The following SURF6 variants were observed in gnomAD, a reference collection of about 807,000 sequenced individuals.
The protein encoded by SURF6 is surfeit locus protein 6.
A neutral mutation model predicts 37.5 loss-of-function variants in SURF6; 28 were observed. The ratio of observed to expected loss-of-function variants is 0.75; its 90% CI spans 0.55 to 1.02. The LOEUF (loss-of-function observed/expected upper bound fraction) is 1.02, where lower values mean the gene tolerates loss of function less well. Among genes scored for constraint, SURF6 ranks in the 50% least tolerant of loss-of-function variants. The probability of loss-of-function intolerance (pLI) is 0.00; values close to 1 mark genes in which losing one functional copy is unlikely to be tolerated. For missense variants in SURF6, 560 were observed against 490.5 expected (o/e 1.14, Z -1.34); for synonymous variants, 248 against 210.9 (o/e 1.18, Z -1.52).
Position 133,331,514 on chromosome 9 carries a change from CACAGGCAGTGGGGA to C in SURF6, c.*341_*354del, listed in dbSNP as rs2129910442. On this transcript the variant is annotated 3_prime_UTR_variant, in exon 5 of 5. Coordinates refer to ENST00000372022, the MANE Select transcript of SURF6 (RefSeq NM_006753.6). ...TCTTCTGTCCCGTGGCTCCTGCGAA[CACAGGCAGTGGGGA>C]ACAGGCAGTGACTGCCCACCCCCAC... 2.4e-5 allele frequency: 6 copies of C among 252,882 alleles called. No individual in the cohort carries two copies. The highest frequency in any genetic ancestry group is 1.6e-4 in the Admixed American group (3 of 18,260). The allele number at this position is 252,882 out of a possible 1,614,324, so 15.7% of individuals were successfully genotyped here.
intron 2 of SURF6, among the ~76,000 whole-genome samples, chr9:133,334,162 A>G (rs1835815592): frequency 6.6e-6 from 1 of 152,134 alleles, no homozygotes; most frequent in African/African-American, 2.4e-5. Context: ...GTCCTCAGAG[A>G]GACACAGCCT....
Position 133,331,814 on chromosome 9 carries a change from G to A in SURF6, c.*55C>T, listed in dbSNP as rs1426800887. The stretch of plus-strand genomic sequence containing the variant: ...GGACAGAGCCAGCGTCAAGGACTCA[G>A]AGGGTGTCCTGGAGTCTCCTAGGAC... On this transcript the variant is annotated 3_prime_UTR_variant, in exon 5 of 5. Transcript: ENST00000372022. The A allele has an allele frequency of 1.3e-6, 2 of 1,483,718 alleles. No homozygotes were observed. Among genetic ancestry groups the A allele is most frequent in the Non-Finnish European group, 1.8e-6 (2 of 1,127,236 alleles). The allele number at this position is 1,483,718 out of a possible 1,614,324, so 91.9% of individuals were successfully genotyped here.
In SURF6 at chr9:133,334,496, GC is replaced by G. The variant is rs1329501289; in HGVS notation, c.199del (p.Ala67ProfsTer132). The G allele has an allele frequency of 1.2e-6, 2 of 1,613,982 alleles. No individual in the cohort carries two copies. Among genetic ancestry groups the G allele is most frequent in the African/African-American group, 2.7e-5 (2 of 74,928 alleles). On this transcript the variant is annotated frameshift_variant, in exon 2 of 5. Transcript: ENST00000372022. LOFTEE classifies it high-confidence loss of function. ...KREEKAAEHK[A>X]KSLGEKSPAA... ...TGGAGATTTCTCCCCCAAGGACTTGGCCTTGTGCTCAGCAGCCTTCTCTTCT... is the reference window on the plus strand; with the variant it reads ...TGGAGATTTCTCCCCCAAGGACTTGGCTTGTGCTCAGCAGCCTTCTCTTCT...
At chr9:133,333,083 T>A (rs2129922395) in intron 3 of SURF6, 4 of 396,120 alleles carry the variant, frequency 1.0e-5, no homozygotes, top group Non-Finnish European at 1.4e-5. Context: ...GAACTTGGAG[T>A]TGGCGTCTGA....
Position 133,332,567 on chromosome 9 carries a change from GGCGGCTCCC to G in SURF6, c.578_586del (p.Arg193_Pro195del), listed in dbSNP as rs2129919254. 4 of 1,609,068 alleles carry G rather than the reference GGCGGCTCCC, an allele frequency of 2.5e-6. No individual in the cohort carries two copies. Among genetic ancestry groups the G allele is most frequent in the Middle Eastern group, 1.7e-4 (1 of 6,060 alleles). On this transcript the variant is annotated inframe_deletion, in exon 4 of 5. Transcript: ENST00000372022. ...GCTCACCTTATTGAAGATCAGCCCG[GGCGGCTCCC>G]GCGGCTCCGTGCAGGCCCCCTCTGG...
chr9:133,333,166 C>A (rs2129922761), intron 3 of SURF6, among the ~76,000 whole-genome samples: 3 of 152,122 alleles, frequency 2.0e-5, no homozygotes, highest in Non-Finnish European at 4.4e-5. Flanking sequence ...CCTTTCCCAT[C>A]CCCGGGCCAA....
rs2129927155 is a variant in SURF6, at chr9:133,334,419, C to A, written c.277G>T (p.Ala93Ser). The change falls in exon 2 of 5, where the codon GCT becomes TCT. Residue 93 changes from alanine to serine, a missense_variant. By Grantham distance (99) the Ala-to-Ser change is moderately conservative. Coordinates refer to ENST00000372022, the MANE Select transcript of SURF6 (RefSeq NM_006753.6). ...PEAAKEEAAW[A>S]SSSAGNPADG... ...GCAGGGTTCCCTGCTGAGCTGGAAG[C>A]CCAAGCTGCTTCCTCTTTGGCTGCC... 1.5e-5 allele frequency: 25 copies of A among 1,613,622 alleles called. 1 individual carries two copies. In the South Asian group the frequency reaches 2.6e-4, roughly 17 times the overall value.
At position 133,330,166 on chromosome 9, in the gene SURF6, A is replaced by C. The variant is rs1835689034; in HGVS notation, c.*1703T>G. 3 of 152,128 alleles carry C rather than the reference A, an allele frequency of 2.0e-5. No individual in the cohort carries two copies. In the South Asian group the frequency reaches 6.2e-4, roughly 31 times the overall value. The allele number at this position is 152,128 out of a possible 1,614,324, so 9.4% of individuals were successfully genotyped here. A position where few individuals can be genotyped will look rare whatever the true frequency, so the allele number is the denominator to read the frequency against. On this transcript the variant is annotated 3_prime_UTR_variant, in exon 5 of 5. Transcript: ENST00000372022. ...TACAGCGTATGTGTGTATAAATGGC[A>C]CTATTTATCTGTAGATGCACATACA...
In SURF6 at chr9:133,331,550, C is replaced by G. The variant is rs11244089; in HGVS notation, c.*319G>C. ...GGGAACAGGCAGTGACTGCCCACCC[C>G]CACCGTTCCTCCTCCCTGACCCTGC... On this transcript the variant is annotated 3_prime_UTR_variant, in exon 5 of 5. Transcript: ENST00000372022. 4.1e-5 allele frequency: 13 copies of G among 319,658 alleles called. No individual in the cohort carries two copies. Among genetic ancestry groups the G allele is most frequent in the African/African-American group, 2.3e-4 (11 of 46,996 alleles). The allele number at this position is 319,658 out of a possible 1,614,324, so 19.8% of individuals were successfully genotyped here.
At chr9:133,333,111 T>C (rs2129922499) in intron 3 of SURF6, among the ~76,000 whole-genome samples, 138 of 152,292 alleles carry the variant, frequency 9.1e-4, no homozygotes, top group Non-Finnish European at 1.7e-3. Context: ...TCCTGACCGC[T>C]GCCCATTCTG....
In SURF6 at chr9:133,332,162, CCAGCTCCTG is replaced by C. The variant is rs1270197851; in HGVS notation, c.784_792del (p.Gln262_Leu264del). 1.2e-6 allele frequency: 2 copies of C among 1,610,534 alleles called. No individual in the cohort carries two copies. Among genetic ancestry groups the C allele is most frequent in the East Asian group, 4.5e-5 (2 of 44,878 alleles). ...AGGTTGGTCCACTTCATCTTCGCCT[CCAGCTCCTG>C]CGCCTTCCCCTCATCCTGGCCGCGC... On this transcript the variant is annotated inframe_deletion, in exon 5 of 5. Transcript: ENST00000372022.
rs2129906950 is a variant in SURF6, at chr9:133,330,599, G to A, written c.*1270C>T. ...TCCCAAATATTTCTAATAGCCATTC[G>A]GAATTCTTTAACTCATAGGTAATTT... is the stretch of plus-strand genomic sequence containing the variant. On this transcript the variant is annotated 3_prime_UTR_variant, in exon 5 of 5. Coordinates refer to ENST00000372022, the MANE Select transcript of SURF6 (RefSeq NM_006753.6). The A allele has an allele frequency of 6.6e-5, 10 of 151,724 alleles. No homozygotes were observed. The highest frequency in any genetic ancestry group is 1.0e-4 in the Non-Finnish European group (7 of 67,982). The allele number at this position is 151,724 out of a possible 1,614,324, so 9.4% of individuals were successfully genotyped here.
Position 133,330,584 on chromosome 9 carries a change from T to G in SURF6, c.*1285A>C, listed in dbSNP as rs1341011222. On this transcript the variant is annotated 3_prime_UTR_variant, in exon 5 of 5. Transcript: ENST00000372022. The stretch of plus-strand genomic sequence containing the variant: ...TTCATTATCCTTTAGTCCCAAATAT[T>G]TCTAATAGCCATTCGGAATTCTTTA... 6.6e-6 allele frequency: 1 copy of G among 152,156 alleles called. No individual in the cohort carries two copies. The highest frequency in any genetic ancestry group is 1.5e-5 in the Non-Finnish European group (1 of 68,040). The allele number at this position is 152,156 out of a possible 1,614,324, so 9.4% of individuals were successfully genotyped here.
chr9:133,331,529 A>C lies in SURF6; in HGVS notation c.*340T>G. 1 of 267,958 alleles carries C rather than the reference A, an allele frequency of 3.7e-6. No homozygotes were observed. The highest frequency in any genetic ancestry group is 5.3e-5 in the Admixed American group (1 of 18,804). 16.6% of individuals were successfully genotyped at this position (267,958 alleles called of 1,614,324 possible). The stretch of plus-strand genomic sequence containing the variant: ...CTCCTGCGAACACAGGCAGTGGGGA[A>C]CAGGCAGTGACTGCCCACCCCCACC... On this transcript the variant is annotated 3_prime_UTR_variant, in exon 5 of 5. Coordinates refer to ENST00000372022, the MANE Select transcript of SURF6 (RefSeq NM_006753.6).
intron 3 of SURF6, 68 bp downstream of exon 3, chr9:133,333,650 C>T: frequency 1.3e-6 from 2 of 1,497,118 alleles, no homozygotes; most frequent in Admixed American, 3.4e-5. Flanking sequence ...CGGCCCCTCG[C>T]TGACAGCTGA....
chr9:133,334,301 GCTTT>G, intron 2 of SURF6, 87 bp downstream of exon 2: 1 of 1,249,002 alleles, frequency 8.0e-7, no homozygotes, highest in Non-Finnish European at 1.1e-6. Context: ...GCCTGCTGCT[GCTTT>G]TTTTTTCTTA....
chr9:133,330,803 A>AAGT lies in SURF6; in HGVS notation c.*1063_*1065dup, dbSNP rs2129907642. 5 of 152,296 alleles carry AAGT rather than the reference A, an allele frequency of 3.3e-5. No individual in the cohort carries two copies. The South Asian group carries it at 1.0e-3, about 32-fold the overall frequency. 9.4% of individuals were successfully genotyped at this position (152,296 alleles called of 1,614,324 possible). On this transcript the variant is annotated 3_prime_UTR_variant, in exon 5 of 5. Transcript: ENST00000372022. ...TATCTTAAGACTTCTTTTCTGGACA[A>AAGT]AGTAGGTGGTCAGTTTCCATCCATG...
chr9:133,334,724 G>A (rs1188612340), intron 1 of SURF6, 123 bp from the exon 2 acceptor site: 5 of 1,149,192 alleles, frequency 4.4e-6, no homozygotes, highest in Non-Finnish European at 6.1e-6. Context: ...GGGGGCCAGA[G>A]ACACTGATCC....
rs2129907472 is a variant in SURF6 at position 133,330,756 on chromosome 9, T to C, written c.*1113A>G. 1.3e-5 allele frequency: 2 copies of C among 152,350 alleles called. No homozygotes were observed. The highest frequency in any genetic ancestry group is 3.4e-3 in the Middle Eastern group (1 of 294). 9.4% of individuals were successfully genotyped at this position (152,350 alleles called of 1,614,324 possible). ...TTAATGACATTGGGATACGGTCAGATAACGACACTGATTCCTTGAAATATC... is the reference window on the plus strand; with the variant it reads ...TTAATGACATTGGGATACGGTCAGACAACGACACTGATTCCTTGAAATATC... On this transcript the variant is annotated 3_prime_UTR_variant, in exon 5 of 5. Coordinates refer to ENST00000372022, the MANE Select transcript of SURF6 (RefSeq NM_006753.6).
Sources: gnomAD v4.1 joint callset for allele counts (sites outside exome capture counted in the v4.1 genomes callset) on GRCh38, gnomAD v4.1.1 for gene constraint, MANE v1.5 for transcripts, NCBI Gene and HGNC (gene_info 2026-07-23, HGNC 2026-07-21) for gene names.